SYT2: variants seen among roughly 807,000 people sequenced by gnomAD.
SYT2 encodes the protein synaptotagmin-2.
In SYT2, 15 loss-of-function variants were observed where a neutral mutation model predicts 39.9. That is an observed-to-expected ratio of 0.38 (90% confidence interval 0.25 to 0.58). The LOEUF (loss-of-function observed/expected upper bound fraction) is 0.58. Among genes scored for constraint, SYT2 ranks in the 20% least tolerant of loss-of-function variants. The pLI is 0.70. For synonymous variants in SYT2, 181 were observed against 204.5 expected (o/e 0.89, Z 0.98); for missense variants, 389 against 530.3 (o/e 0.73, Z 2.62).
chr1:202,608,673 C>T (rs897037909), intron 1 of SYT2, among the ~76,000 whole-genome samples: 2 of 152,158 alleles, frequency 1.3e-5, no homozygotes, highest in African/African-American at 4.8e-5. Context: ...AATAATATCC[C>T]ACTTGTGGGA....
intron 8 of SYT2, 68 bp from the exon 9 acceptor site, chr1:202,597,031 C>T: frequency 4.3e-6 from 6 of 1,391,206 alleles, no homozygotes; most frequent in Non-Finnish European, 6.1e-6. Flanking sequence ...ATTTATCCTC[C>T]ATCAACCTCT....
chr1:202,632,340 G>T, intron 1 of SYT2: 1 of 171,966 alleles, frequency 5.8e-6, no homozygotes, highest in Non-Finnish European at 1.2e-5. Context: ...GTCATGGCAG[G>T]CAGCTCATTA....
intron 1 of SYT2, among the ~76,000 whole-genome samples, chr1:202,648,632 C>T (rs983177210): frequency 4.6e-5 from 7 of 152,158 alleles, no homozygotes; most frequent in African/African-American, 1.7e-4. Flanking sequence ...AAACCCAAGG[C>T]GTCTGCTGGC....
At chr1:202,649,624 C>T (rs113310003) in intron 1 of SYT2, among the ~76,000 whole-genome samples, 2,072 of 152,236 alleles carry the variant, frequency 0.014, 42 homozygotes, top group African/African-American at 0.046. Flanking sequence ...CTCCTGAGGC[C>T]GCACTCCAAA....
chr1:202,677,503 G>A (rs1441443429), intron 1 of SYT2, among the ~76,000 whole-genome samples: 1 of 152,160 alleles, frequency 6.6e-6, no homozygotes, highest in East Asian at 1.9e-4. Flanking sequence ...AGAACAGAAA[G>A]CCCTGGCCCA....
At chr1:202,607,469 C>A (rs568510594) in intron 1 of SYT2, among the ~76,000 whole-genome samples, 1 of 152,148 alleles carries the variant, frequency 6.6e-6, no homozygotes, top group African/African-American at 2.4e-5. Flanking sequence ...TCTCACTGCA[C>A]GTTAGGTATG....
intron 1 of SYT2, among the ~76,000 whole-genome samples, chr1:202,634,812 C>A (rs904169932): frequency 2.0e-5 from 3 of 152,160 alleles, no homozygotes; most frequent in Non-Finnish European, 4.4e-5. Flanking sequence ...CCATCTAAAT[C>A]AAATATCCAG....
intron 1 of SYT2, among the ~76,000 whole-genome samples, chr1:202,647,909 T>C (rs946634877): frequency 1.3e-5 from 2 of 151,540 alleles, no homozygotes; most frequent in African/African-American, 4.8e-5. Context: ...CATAGAATCA[T>C]TGGATCTCAC....
At chr1:202,619,540 T>C (rs1399057434) in intron 1 of SYT2, among the ~76,000 whole-genome samples, 2 of 152,206 alleles carry the variant, frequency 1.3e-5, no homozygotes, top group East Asian at 3.8e-4. Flanking sequence ...TTTGTTAAAA[T>C]GCAGACCCTC....
chr1:202,602,625 C>T (rs1361992458), intron 4 of SYT2, 80 bp from the exon 5 acceptor site: 2 of 1,409,990 alleles, frequency 1.4e-6, no homozygotes, highest in Non-Finnish European at 1.9e-6. Flanking sequence ...CCAGCACCCA[C>T]CAATTCCGTC....
chr1:202,627,639 A>G (rs542663467), intron 1 of SYT2: 1 of 985,316 alleles, frequency 1.0e-6, no homozygotes, highest in African/African-American at 1.7e-5. Flanking sequence ...AAGGGCATGA[A>G]GACCACTTCC....
At chr1:202,663,720 C>T (rs1463374263) in intron 1 of SYT2, among the ~76,000 whole-genome samples, 1 of 152,178 alleles carries the variant, frequency 6.6e-6, no homozygotes, top group Non-Finnish European at 1.5e-5. Context: ...ACACTATCTC[C>T]TCTGAGGCTG....
intron 1 of SYT2, among the ~76,000 whole-genome samples, chr1:202,678,231 G>A (rs1001611311): frequency 2.4e-5 from 3 of 124,788 alleles, no homozygotes; most frequent in African/African-American, 9.5e-5. Context: ...CCGAGATCGT[G>A]CCACTGCACT....
chr1:202,653,103 C>T lies in SYT2; in HGVS notation c.-17-47314G>A, dbSNP rs375902882. Among the ~76,000 whole-genome samples the T allele has an allele frequency of 2.6e-5, 4 of 152,104 alleles. No homozygotes were observed. In the East Asian group the frequency reaches 5.8e-4, roughly 22 times the overall value. ...CATGAGCGGCTTGACATCTCAATGC[C>T]ACTATTTTCATAGAAAATCTCGATT... is the stretch of plus-strand genomic sequence containing the variant. On this transcript the variant is annotated intron_variant, in intron 1 of 8. Coordinates refer to ENST00000367268, the MANE Select transcript of SYT2 (RefSeq NM_177402.5).
intron 1 of SYT2, among the ~76,000 whole-genome samples, chr1:202,640,440 T>TG (rs1691871821): frequency 6.6e-6 from 1 of 152,200 alleles, no homozygotes; most frequent in Non-Finnish European, 1.5e-5. Flanking sequence ...CATGGGGTCC[T>TG]GGGAGTCCCC....
chr1:202,655,170 T>C (rs1257146237), intron 1 of SYT2, among the ~76,000 whole-genome samples: 2 of 152,010 alleles, frequency 1.3e-5, no homozygotes, highest in Non-Finnish European at 2.9e-5. Flanking sequence ...CAAGTGGGCT[T>C]AGAGGAGGGG....
intron 1 of SYT2, among the ~76,000 whole-genome samples, chr1:202,689,639 T>C (rs946639591): frequency 2.0e-5 from 3 of 152,034 alleles, no homozygotes; most frequent in Non-Finnish European, 4.4e-5. Context: ...CAGAGTTATT[T>C]TGAGTGTCCA....
chr1:202,636,634 T>C (rs1691746775), intron 1 of SYT2: 2 of 152,408 alleles, frequency 1.3e-5, no homozygotes, highest in Non-Finnish European at 2.9e-5. Flanking sequence ...TATCCCTGCC[T>C]CGCCCCACTC....
chr1:202,660,943 C>T (rs1692366634), intron 1 of SYT2, among the ~76,000 whole-genome samples: 2 of 152,188 alleles, frequency 1.3e-5, no homozygotes, highest in African/African-American at 4.8e-5. Flanking sequence ...CTCTCTAGTG[C>T]TTTGCTTCTT....
Sources: gnomAD v4.1 joint callset for allele counts (sites outside exome capture counted in the v4.1 genomes callset) on GRCh38, gnomAD v4.1.1 for gene constraint, MANE v1.5 for transcripts, NCBI Gene and HGNC (gene_info 2026-07-23, HGNC 2026-07-21) for gene names.